CAST: variants seen among roughly 807,000 people sequenced by gnomAD.
CAST encodes calpastatin, also known as MIR583 host.
Under a neutral mutation model 119.6 loss-of-function variants are expected in CAST, and 76 were observed. That is an observed-to-expected ratio of 0.64 (90% CI 0.53 to 0.77). CAST has a LOEUF of 0.77. CAST is among the 30% of genes least tolerant of loss of function. CAST has a pLI of 0.00. For missense variants in CAST, 953 were observed against 946.5 expected, an observed-to-expected ratio of 1.01 and a Z score of -0.09; for synonymous variants, 319 against 331.6, an observed-to-expected ratio of 0.96 and a Z score of 0.41.
chr5:96,192,671 T>C, the CAST span, among the ~76,000 whole-genome samples: 1 of 152,198 alleles, frequency 6.6e-6, no homozygotes, highest in Non-Finnish European at 1.5e-5. Context: ...TTATACTTCC[T>C]ACCCCATCAA....
chr5:96,516,383 AGTT>A, the CAST span, among the ~76,000 whole-genome samples: 1 of 151,866 alleles, frequency 6.6e-6, no homozygotes, highest in Non-Finnish European at 1.5e-5. Context: ...AAAAAATGAG[AGTT>A]GTTTGGAATA....
rs1417905111 is a variant in CAST at position 96,542,947 on chromosome 5, A to T, written c.60+13067A>T. ...TTTACTGTTGGTGGGAGTATAAATT[A>T]GTTCAACCATTGTGGAAGACAGTAT... On this transcript the variant is annotated intron_variant, in intron 1 of 11. Coordinates refer to the CAST transcript ENST00000505143. Among the ~76,000 whole-genome samples, 8 of 152,256 alleles carry T rather than the reference A, an allele frequency of 5.3e-5. No individual in the cohort carries two copies. In the East Asian group the frequency reaches 1.5e-3, roughly 29 times the overall value.
At chr5:96,067,808 C>T in the CAST span, among the ~76,000 whole-genome samples, 2 of 151,958 alleles carry the variant, frequency 1.3e-5, no homozygotes, top group Admixed American at 6.6e-5. Flanking sequence ...AACAGCCTGC[C>T]ATTTTGCACT....
chr5:96,368,652 G>A, the CAST span, among the ~76,000 whole-genome samples: 1 of 152,022 alleles, frequency 6.6e-6, no homozygotes, highest in Non-Finnish European at 1.5e-5. Context: ...CTGTGAGCTT[G>A]GTATTTCTGT....
At chr5:96,766,008 A>G in intron 26 of CAST, 45 bp from the exon 27 acceptor site, 1 of 1,082,298 alleles carries the variant, frequency 9.2e-7, no homozygotes. Flanking sequence ...TTTCTAAGTG[A>G]AAGAGGAAAT....
chr5:96,599,420 T>C (rs567711984), intron 1 of CAST, among the ~76,000 whole-genome samples: 2 of 152,344 alleles, frequency 1.3e-5, no homozygotes, highest in South Asian at 4.1e-4. Flanking sequence ...GGAATATAAA[T>C]GTATCTATCT....
At chr5:96,619,716 A>C (rs1424537658) in intron 1 of CAST, among the ~76,000 whole-genome samples, 2 of 152,158 alleles carry the variant, frequency 1.3e-5, no homozygotes, top group Admixed American at 1.3e-4. Flanking sequence ...TCAGAATAAC[A>C]AACTCCAGGC....
At chr5:96,573,207 T>C (rs989306654) in intron 1 of CAST, among the ~76,000 whole-genome samples, 3 of 152,230 alleles carry the variant, frequency 2.0e-5, no homozygotes, top group African/African-American at 4.8e-5. Flanking sequence ...GGTTTTCTAA[T>C]GTATCTTTTG....
At chr5:96,500,790 G>T in the CAST span, among the ~76,000 whole-genome samples, 1 of 152,204 alleles carries the variant, frequency 6.6e-6, no homozygotes, top group Non-Finnish European at 1.5e-5. Context: ...TGGGATCGTA[G>T]CTGTTAAATG....
At chr5:96,717,688 C>T (rs1415574723) in intron 3 of CAST, among the ~76,000 whole-genome samples, 3 of 152,128 alleles carry the variant, frequency 2.0e-5, no homozygotes, top group Non-Finnish European at 4.4e-5. Context: ...ACCCTTTTAA[C>T]CTGTGTGTTA....
chr5:96,736,219 A>T lies in CAST; in HGVS notation c.678A>T (p.Lys226Asn). ...SLTPAVPVESKPDKPSGKSGM... is the reference protein window; with the variant it reads ...SLTPAVPVESNPDKPSGKSGM... ...CCCCAGCTGTGCCAGTTGAATCTAAACCGGATAAACCATCGGGAAAGGTAT... is the reference window on the plus strand; with the variant it reads ...CCCCAGCTGTGCCAGTTGAATCTAATCCGGATAAACCATCGGGAAAGGTAT... Residue 226 changes from lysine (K) to asparagine (N), a missense_variant, in exon 10 of 32, where the codon AAA (lysine) becomes AAT (asparagine). By Grantham distance (94) the Lys-to-Asn change is moderately conservative. Coordinates refer to ENST00000675179, the MANE Select transcript of CAST (RefSeq NM_001750.7). 6.2e-7 allele frequency: 1 copy of T among 1,611,894 alleles called. No homozygotes were observed. The highest frequency in any genetic ancestry group is 8.5e-7 in the Non-Finnish European group (1 of 1,178,436).
At chr5:96,741,614 T>G in intron 15 of CAST, 34 bp downstream of exon 15, 2 of 1,434,680 alleles carry the variant, frequency 1.4e-6, no homozygotes, top group South Asian at 2.3e-5. Context: ...GCAGTTGCTT[T>G]CCAGAGCCTG....
At chr5:96,609,097 A>G (rs1306186664) in intron 1 of CAST, among the ~76,000 whole-genome samples, 1 of 152,146 alleles carries the variant, frequency 6.6e-6, no homozygotes, top group Admixed American at 6.5e-5. Flanking sequence ...GACAGACATC[A>G]CCCTTCTTAT....
the CAST span, among the ~76,000 whole-genome samples, chr5:96,178,807 G>A: frequency 6.6e-6 from 1 of 152,086 alleles, no homozygotes; most frequent in Non-Finnish European, 1.5e-5. Context: ...TGGAGTAATG[G>A]GTGCATAGAT....
chr5:96,104,672 G>A, the CAST span, among the ~76,000 whole-genome samples: 3 of 150,778 alleles, frequency 2.0e-5, no homozygotes, highest in Non-Finnish European at 4.4e-5. Flanking sequence ...GTAGTGTGAT[G>A]CCTCCAGCTT....
At chr5:96,630,032 G>A (rs1747796078) in intron 1 of CAST, among the ~76,000 whole-genome samples, 1 of 152,184 alleles carries the variant, frequency 6.6e-6, no homozygotes, top group South Asian at 2.1e-4. Context: ...GAGAAGGCTT[G>A]AGATATCTGT....
the CAST span, among the ~76,000 whole-genome samples, chr5:96,455,276 A>T: frequency 6.6e-6 from 1 of 152,158 alleles, no homozygotes; most frequent in African/African-American, 2.4e-5. Flanking sequence ...AAGAAAAGTC[A>T]AAGATTCTTT....
intron 1 of CAST, among the ~76,000 whole-genome samples, chr5:96,625,244 T>C (rs750063806): frequency 1.3e-5 from 2 of 152,154 alleles, no homozygotes; most frequent in African/African-American, 2.4e-5. Context: ...ATAATGATGT[T>C]TCTTGTTAAA....
the CAST span, among the ~76,000 whole-genome samples, chr5:95,985,877 T>C: frequency 1.3e-5 from 2 of 152,294 alleles, no homozygotes; most frequent in African/African-American, 4.8e-5. Context: ...TCTGGAGATA[T>C]TTGAAGTGGC....
Sources: gnomAD v4.1 joint callset for allele counts (sites outside exome capture counted in the v4.1 genomes callset) on GRCh38, gnomAD v4.1.1 for gene constraint, MANE v1.5 for transcripts, NCBI Gene and HGNC (gene_info 2026-07-23, HGNC 2026-07-21) for gene names.